The following PTCH2 variants were observed in gnomAD, a reference collection of about 807,000 sequenced individuals.
PTCH2 encodes the protein patched 2.
PTCH2 carries 96 observed loss-of-function variants against 117.9 expected under a neutral mutation model. The observed-to-expected ratio is 0.81, with a 90% CI of 0.69 to 0.96. The LOEUF (loss-of-function observed/expected upper bound fraction) is 0.96, where lower values mean the gene tolerates loss of function less well. Among genes scored for constraint, PTCH2 ranks in the 50% least tolerant of loss-of-function variants. The pLI is 0.00. For synonymous variants in PTCH2, 615 were observed against 660.9 expected, an observed-to-expected ratio of 0.93 and a Z score of 1.06; for missense variants, 1,379 against 1,562.5, an observed-to-expected ratio of 0.88 and a Z score of 1.98.
In PTCH2 at chr1:44,843,120, CG is replaced by C; in HGVS notation, c.-189del. 1 of 1,321,978 alleles carries C rather than the reference CG, an allele frequency of 7.6e-7. No individual in the cohort carries two copies. The highest frequency in any genetic ancestry group is 9.6e-7 in the Non-Finnish European group (1 of 1,038,252). 81.9% of individuals were successfully genotyped at this position (1,321,978 alleles called of 1,614,324 possible). A position where few individuals can be genotyped will look rare whatever the true frequency, so the allele number is the denominator to read the frequency against. ...TGGGAGGGAGGAGTGCAGGGAGCTG[CG>C]GGTCCGGGGCGCGGCGCCGGGATTC... is the stretch of plus-strand genomic sequence containing the variant. On this transcript the variant is annotated 5_prime_UTR_variant, in exon 1 of 22. Coordinates refer to ENST00000372192, the MANE Select transcript of PTCH2 (RefSeq NM_003738.5).
At chr1:44,819,926 A>C (rs564955524), downstream of PTCH2, 1 of 153,294 alleles carries the variant, frequency 6.5e-6, no homozygotes, top group Non-Finnish European at 1.5e-5. Context: ...ATAAAAACTC[A>C]CAACTTTCTC....
rs201914931 is a variant in PTCH2, at chr1:44,841,892, G to T, written c.220C>A (p.Arg74Ser). Residue 74 changes from arginine (R) to serine (S), a missense_variant, in exon 2 of 22, where the codon CGC becomes AGC. By Grantham distance (110) the Arg-to-Ser change is moderately radical. Transcript: ENST00000372192. ...LAFGALALGL[R>S]MAIIETNLEQ... ...AAGTTTGTCTCAATAATGGCCATGC[G>T]GAGACCTAATGCCAGGGCCCCAAAG... The T allele has an allele frequency of 6.2e-7, 1 of 1,614,052 alleles. No individual in the cohort carries two copies. The highest frequency in any genetic ancestry group is 1.3e-5 in the African/African-American group (1 of 74,906).
chr1:44,829,856 G>A (rs989765128), intron 7 of PTCH2, 53 bp downstream of exon 7: 194 of 1,613,874 alleles, frequency 1.2e-4, no homozygotes, highest in Non-Finnish European at 1.5e-4. Context: ...TGGCATTACA[G>A]TATGGGTTCT....
At chr1:44,834,212 C>T (rs921778826) in intron 2 of PTCH2, among the ~76,000 whole-genome samples, 2 of 151,660 alleles carry the variant, frequency 1.3e-5, no homozygotes, top group Non-Finnish European at 2.9e-5. Flanking sequence ...CTCTGCCTCC[C>T]GGGTTCAAGC....
chr1:44,826,683 G>T lies in PTCH2; in HGVS notation c.2781C>A (p.Ile927=), dbSNP rs761183703. 3.1e-6 allele frequency: 5 copies of T among 1,607,664 alleles called. No homozygotes were observed. In the African/African-American group the frequency reaches 6.7e-5, roughly 22 times the overall value. The stretch of plus-strand genomic sequence containing the variant: ...CTGCGCATGCTGCCCGGGCCCCCTC[G>T]ATGGCCTCCACAAAGTCTGCAGTCT... ...LQKTADFVEA[I]EGARAACAEA... is the part of the protein sequence containing the mutation. Residue 927 remains isoleucine (I), a synonymous_variant, in exon 18 of 22, where the codon ATC becomes ATA. Coordinates refer to ENST00000372192, the MANE Select transcript of PTCH2 (RefSeq NM_003738.5). This position sits in a 1 kb window ranked among gnomAD's most constrained non-coding sequence, Gnocchi z 5.1.
chr1:44,841,496 C>A (rs1653946559), intron 2 of PTCH2, among the ~76,000 whole-genome samples: 1 of 152,226 alleles, frequency 6.6e-6, no homozygotes, highest in Admixed American at 6.5e-5. Context: ...GTTATTCCAG[C>A]ACATATTTTA....
intron 21 of PTCH2, 37 bp from the exon 22 acceptor site, chr1:44,822,706 C>T: frequency 1.3e-6 from 2 of 1,599,390 alleles, no homozygotes; most frequent in Non-Finnish European, 1.7e-6. Flanking sequence ...GCCCACGGGC[C>T]CCTGGGGCTC....
intron 2 of PTCH2, among the ~76,000 whole-genome samples, chr1:44,837,497 A>C (rs1478485023): frequency 2.0e-5 from 3 of 151,842 alleles, no homozygotes; most frequent in Non-Finnish European, 4.4e-5. Context: ...CAGGTGATCC[A>C]CCCCACCCTG....
chr1:44,841,789 C>T (rs1178374725), intron 2 of PTCH2, 58 bp downstream of exon 2: 7 of 1,592,306 alleles, frequency 4.4e-6, no homozygotes, highest in Non-Finnish European at 6.0e-6. Context: ...GCTCCTCACC[C>T]CGTTCTTGTC....
rs35297741 is a variant in PTCH2, at chr1:44,823,936, T to TCAAACAAACAAA, written c.3115-563_3115-552dup. 8.4e-3 allele frequency among the ~76,000 whole-genome samples: 1,264 copies of TCAAACAAACAAA among 151,336 alleles called. 20 individuals carry two copies. The highest frequency in any genetic ancestry group is 0.029 in the African/African-American group (1,190 of 41,016). On this transcript the variant is annotated intron_variant, in intron 19 of 21. Transcript: ENST00000372192. This position sits in a 1 kb window ranked among gnomAD's most constrained non-coding sequence, Gnocchi z 5.1. ...CTGGGCGACAGAGTGAGACCCTGTT[T>TCAAACAAACAAA]CAAACAAACAAACAAACAAACAAAC...
In PTCH2 at chr1:44,823,670, G is replaced by A. The variant is rs186781270; in HGVS notation, c.3115-285C>T. The stretch of plus-strand genomic sequence containing the variant: ...TAAAACAAACAAGCCCGGGCACGGT[G>A]GCTCATGCCTGTAATCCCAGCACTT... On this transcript the variant is annotated intron_variant, in intron 19 of 21. Coordinates refer to ENST00000372192, the MANE Select transcript of PTCH2 (RefSeq NM_003738.5). The surrounding 1 kb of genome is among the most constrained non-coding windows in gnomAD (Gnocchi z 5.1). Among the ~76,000 whole-genome samples the A allele has an allele frequency of 9.8e-4, 149 of 151,900 alleles. No individual in the cohort carries two copies. The highest frequency in any genetic ancestry group is 7.0e-3 in the East Asian group (36 of 5,144).
In PTCH2 at chr1:44,826,535, G is replaced by C; in HGVS notation, c.2929C>G (p.Leu977Val). 6.2e-7 allele frequency: 1 copy of C among 1,613,838 alleles called. No homozygotes were observed. Among genetic ancestry groups the C allele is most frequent in the Non-Finnish European group, 8.5e-7 (1 of 1,180,014 alleles). Residue 977 changes from leucine (L) to valine (V), a missense_variant, in exon 18 of 22, where the codon CTC (leucine) becomes GTC (valine). Transcript: ENST00000372192. The surrounding 1 kb of genome is among the most constrained non-coding windows in gnomAD (Gnocchi z 5.1). ...TTGAGGAGCAGCAGAGCACAGACGAGGAAAGTGCACACCAGCAGGATGCAG... is the reference window on the plus strand; with the variant it reads ...TTGAGGAGCAGCAGAGCACAGACGACGAAAGTGCACACCAGCAGGATGCAG... The part of the protein sequence containing the change: ...AVCILLVCTF[L>V]VCALLLLNPW...
rs1652937019 is a variant in PTCH2, at chr1:44,822,232, T to C, written c.*183A>G. Reference sequence around the variant, plus strand: ...ACACAGATACAGGCTCACACAGGCCTGGATGTGCAAATCGGTGGCTGTTCT... The same window carrying C: ...ACACAGATACAGGCTCACACAGGCCCGGATGTGCAAATCGGTGGCTGTTCT... On this transcript the variant is annotated 3_prime_UTR_variant, in exon 22 of 22. Coordinates refer to ENST00000372192, the MANE Select transcript of PTCH2 (RefSeq NM_003738.5). The C allele has an allele frequency of 1.3e-6, 2 of 1,498,462 alleles. No homozygotes were observed. Among genetic ancestry groups the C allele is most frequent in the Non-Finnish European group, 1.8e-6 (2 of 1,129,880 alleles). The allele number at this position is 1,498,462 out of a possible 1,614,324, so 92.8% of individuals were successfully genotyped here. A position where few individuals can be genotyped will look rare whatever the true frequency, so the allele number is the denominator to read the frequency against.
rs768951349 is a variant in PTCH2, at chr1:44,830,587, CAAAA to C, written c.813+257_813+260del. Among the ~76,000 whole-genome samples the C allele has an allele frequency of 1.2e-4, 8 of 65,168 alleles. No individual in the cohort carries two copies. The South Asian group carries it at 1.7e-3, about 14-fold the overall frequency. The allele number at this position is 65,168 out of a possible 152,430, so 42.8% of individuals were successfully genotyped here. The stretch of plus-strand genomic sequence containing the variant: ...CCAGCCTGGGTGACAGAGTGAGACT[CAAAA>C]AAAAAAAAAAAAAGAAGTCCAGCCT... On this transcript the variant is annotated intron_variant, in intron 6 of 21. Transcript: ENST00000372192.
In PTCH2 at chr1:44,826,018, G is replaced by T. The variant is rs2148873526; in HGVS notation, c.3114+232C>A. ...TGCCACCACGCCTGGCTAATTTTTT[G>T]TATTTTTAGTAAAGACAGGGTTTCA... is the stretch of plus-strand genomic sequence containing the variant. On this transcript the variant is annotated intron_variant, in intron 19 of 21. Coordinates refer to ENST00000372192, the MANE Select transcript of PTCH2 (RefSeq NM_003738.5). The surrounding 1 kb of genome is among the most constrained non-coding windows in gnomAD (Gnocchi z 5.1). 6.6e-6 allele frequency among the ~76,000 whole-genome samples: 1 copy of T among 151,682 alleles called. No individual in the cohort carries two copies. The highest frequency in any genetic ancestry group is 2.1e-4 in the South Asian group (1 of 4,812).
At position 44,829,756 on chromosome 1, in the gene PTCH2, T is replaced by C. The variant is rs1211126949; in HGVS notation, c.941A>G (p.Glu314Gly). The change falls in exon 8 of 22, where the codon GAG (glutamate) becomes GGG (glycine). Residue 314 changes from glutamate to glycine, a missense_variant. Physicochemically the swap from Glu to Gly is moderately conservative, Grantham distance 98 (BLOSUM62 -2). Transcript: ENST00000372192. Reference sequence around the variant, plus strand: ...CAGCAAGAAGGTGCTCTGCAGGGCCTCTGCCCTGGTGGGGGTGTGGGAGAA... The same window carrying C: ...CAGCAAGAAGGTGCTCTGCAGGGCCCCTGCCCTGGTGGGGGTGTGGGAGAA... ...RDPQGELLRA[E>G]ALQSTFLLMS... 6.2e-7 allele frequency: 1 copy of C among 1,614,028 alleles called. No homozygotes were observed. The highest frequency in any genetic ancestry group is 8.5e-7 in the Non-Finnish European group (1 of 1,180,020).
At position 44,822,237 on chromosome 1, in the gene PTCH2, G is replaced by A. The variant is rs1652937429; in HGVS notation, c.*178C>T. The stretch of plus-strand genomic sequence containing the variant: ...GATACAGGCTCACACAGGCCTGGAT[G>A]TGCAAATCGGTGGCTGTTCTGTATG... On this transcript the variant is annotated 3_prime_UTR_variant, in exon 22 of 22. Coordinates refer to ENST00000372192, the MANE Select transcript of PTCH2 (RefSeq NM_003738.5). 4 of 1,504,840 alleles carry A rather than the reference G, an allele frequency of 2.7e-6. No homozygotes were observed. The highest frequency in any genetic ancestry group is 2.6e-5 in the South Asian group (2 of 76,988). 93.2% of individuals were successfully genotyped at this position (1,504,840 alleles called of 1,614,324 possible). A position where few individuals can be genotyped will look rare whatever the true frequency, so the allele number is the denominator to read the frequency against.
intron 3 of PTCH2, 40 bp from the exon 4 acceptor site, chr1:44,832,084 G>A: frequency 6.2e-7 from 1 of 1,612,368 alleles, no homozygotes; most frequent in East Asian, 2.2e-5. Context: ...CAGAAGAAGG[G>A]GATTCCCACT....
rs1652929345 is a variant in PTCH2 at position 44,821,987 on chromosome 1, A to T, written c.*428T>A. ...TTCTTTAAAAAATAAAACTTTCATCATAGCTAACATGTATGTATACTACAA... is the reference window on the plus strand; with the variant it reads ...TTCTTTAAAAAATAAAACTTTCATCTTAGCTAACATGTATGTATACTACAA... On this transcript the variant is annotated 3_prime_UTR_variant, in exon 22 of 22. Coordinates refer to ENST00000372192, the MANE Select transcript of PTCH2 (RefSeq NM_003738.5). 2 of 1,314,000 alleles carry T rather than the reference A, an allele frequency of 1.5e-6. No individual in the cohort carries two copies. Among genetic ancestry groups the T allele is most frequent in the Admixed American group, 2.4e-5 (1 of 41,874 alleles). The allele number at this position is 1,314,000 out of a possible 1,614,324, so 81.4% of individuals were successfully genotyped here.
Sources: gnomAD v4.1 joint callset for allele counts (sites outside exome capture counted in the v4.1 genomes callset) on GRCh38, gnomAD v4.1.1 for gene constraint, Gnocchi (gnomAD v3.1) non-coding constraint, MANE v1.5 for transcripts, NCBI Gene and HGNC (gene_info 2026-07-23, HGNC 2026-07-21) for gene names.